ATP2C1: variants seen among roughly 807,000 people sequenced by gnomAD.
ATP2C1 encodes calcium-transporting ATPase type 2C member 1.
Under a neutral mutation model 120.5 loss-of-function variants are expected in ATP2C1, and 31 were observed. The observed-to-expected ratio is 0.26, with a 90% CI of 0.19 to 0.35. The LOEUF is 0.35. Ranked by LOEUF, ATP2C1 falls within the 10% of genes least tolerant of loss-of-function variation. The probability of loss-of-function intolerance (pLI) is 1.00; values close to 1 mark genes in which losing one functional copy is unlikely to be tolerated. For synonymous variants in ATP2C1, 351 were observed against 358.7 expected (o/e 0.98, Z 0.24); for missense variants, 731 against 1,107.5 (o/e 0.66, Z 4.83).
intron 1 of ATP2C1, among the ~76,000 whole-genome samples, chr3:130,884,517 T>A (rs927059607): frequency 4.6e-5 from 7 of 152,204 alleles, no homozygotes; most frequent in African/African-American, 1.7e-4. Context: ...ATCTATTAGG[T>A]CCACTTGGTC....
intron 2 of ATP2C1, among the ~76,000 whole-genome samples, chr3:130,912,968 T>C (rs371613181): frequency 2.0e-5 from 3 of 149,504 alleles, no homozygotes; most frequent in Non-Finnish European, 3.0e-5. Flanking sequence ...ATGGATGAAA[T>C]TGGAAATCAT....
At chr3:130,906,150 T>C (rs2058110385) in intron 2 of ATP2C1, among the ~76,000 whole-genome samples, 1 of 152,064 alleles carries the variant, frequency 6.6e-6, no homozygotes, top group East Asian at 1.9e-4. Context: ...GTTTTTAGTA[T>C]AGTCACAAAA....
At chr3:130,941,494 G>A in intron 7 of ATP2C1, 97 bp from the exon 8 acceptor site, 1 of 910,148 alleles carries the variant, frequency 1.1e-6, no homozygotes. Flanking sequence ...TCTTATATTT[G>A]CCTTTTCCTC....
At chr3:130,907,463 G>A (rs1413233703) in intron 2 of ATP2C1, among the ~76,000 whole-genome samples, 1 of 151,670 alleles carries the variant, frequency 6.6e-6, no homozygotes, top group Non-Finnish European at 1.5e-5. Flanking sequence ...GTGACATAAG[G>A]GCCCACCTTC....
intron 2 of ATP2C1, among the ~76,000 whole-genome samples, chr3:130,904,096 G>C (rs1314769928): frequency 6.6e-6 from 1 of 151,922 alleles, no homozygotes; most frequent in Non-Finnish European, 1.5e-5. Flanking sequence ...CTAAAATTAT[G>C]TTGATTTTTA....
At chr3:130,949,760 T>C (rs1383572796) in intron 8 of ATP2C1, among the ~76,000 whole-genome samples, 1 of 114,572 alleles carries the variant, frequency 8.7e-6, no homozygotes, top group Non-Finnish European at 2.3e-5. Context: ...TGGCTTTGAG[T>C]GTTAGTAAGT....
At chr3:130,886,741 T>C (rs2068981950) in intron 1 of ATP2C1, among the ~76,000 whole-genome samples, 1 of 152,038 alleles carries the variant, frequency 6.6e-6, no homozygotes. Flanking sequence ...ATTCTGAATT[T>C]CTTTTCTGTT....
In ATP2C1 at chr3:130,936,407, A is replaced by G. The variant is rs961638490; in HGVS notation, c.325-1021A>G. On this transcript the variant is annotated intron_variant, in intron 5 of 27. Transcript: ENST00000510168. ...CGATATAATAGATTATGAAAGGTGC[A>G]TTGATACAGTTTTATATTCTACATT... Among the ~76,000 whole-genome samples the G allele has an allele frequency of 1.2e-4, 18 of 152,230 alleles. 1 individual carries two copies.
At chr3:131,014,338 A>G (rs768063484) in intron 26 of ATP2C1, 2 of 1,612,474 alleles carry the variant, frequency 1.2e-6, no homozygotes, top group Non-Finnish European at 1.7e-6. Context: ...ACAGAGGTCG[A>G]TGCTAGCAGT....
intron 2 of ATP2C1, chr3:130,930,204 C>G (rs1028133708): frequency 7.2e-6 from 4 of 555,080 alleles, no homozygotes; most frequent in Non-Finnish European, 1.3e-5. Flanking sequence ...AGCTGGGCAC[C>G]GATGGCTTAG....
chr3:131,004,289 G>A (rs1281872790), downstream of ATP2C1, among the ~76,000 whole-genome samples: 3 of 152,184 alleles, frequency 2.0e-5, no homozygotes, highest in East Asian at 1.9e-4. Context: ...ATACTAAAAC[G>A]TGGTATGGAT....
chr3:130,997,724 T>A lies in ATP2C1; in HGVS notation c.2362T>A (p.Cys788Ser), dbSNP rs540694836. ...KILVSSIIIV[C>S]GTLFVFWREL... ...ACTTGTTTCATCAATAATCATTGTTTGTGGGACTTTGTTTGTCTTCTGGCG... is the reference window on the plus strand; with the variant it reads ...ACTTGTTTCATCAATAATCATTGTTAGTGGGACTTTGTTTGTCTTCTGGCG... The change falls in exon 25 of 28, where the codon TGT (cysteine) becomes AGT (serine). Residue 788 changes from cysteine (C) to serine (S), a missense_variant. This residue lies in a region of ATP2C1 where 141 missense variants were observed against 201.6 expected (regional missense o/e 0.70). Transcript: ENST00000510168. 2.5e-6 allele frequency: 4 copies of A among 1,613,750 alleles called. No individual in the cohort carries two copies.
At chr3:130,897,994 A>C (rs2069784442) in intron 2 of ATP2C1, among the ~76,000 whole-genome samples, 1 of 152,174 alleles carries the variant, frequency 6.6e-6, no homozygotes, top group Non-Finnish European at 1.5e-5. Context: ...TTTAAAAGTT[A>C]ATTGCATGTT....
intron 1 of ATP2C1, among the ~76,000 whole-genome samples, chr3:130,852,555 T>C (rs2067708433): frequency 6.6e-6 from 1 of 152,158 alleles, no homozygotes; most frequent in African/African-American, 2.4e-5. Flanking sequence ...GGAGTGAGTA[T>C]TATGCTGAGT....
At chr3:130,918,157 T>A (rs1355068963) in intron 2 of ATP2C1, 15 of 949,136 alleles carry the variant, frequency 1.6e-5, no homozygotes, top group Non-Finnish European at 1.7e-5. Flanking sequence ...TTTAGAAAGA[T>A]TATCTGTGCC....
At chr3:130,976,623 G>C (rs1189811060) in intron 18 of ATP2C1, among the ~76,000 whole-genome samples, 1 of 152,130 alleles carries the variant, frequency 6.6e-6, no homozygotes, top group Non-Finnish European at 1.5e-5. Context: ...AATGTAAGAG[G>C]CTTTGATGAC....
intron 8 of ATP2C1, among the ~76,000 whole-genome samples, chr3:130,950,234 G>T (rs1444179983): frequency 6.6e-6 from 1 of 151,970 alleles, no homozygotes; most frequent in African/African-American, 2.4e-5. Flanking sequence ...TTTATATTCT[G>T]ATTTTTGAAC....
At chr3:130,940,099 G>A (rs1313501792) in intron 6 of ATP2C1, among the ~76,000 whole-genome samples, 2 of 152,160 alleles carry the variant, frequency 1.3e-5, no homozygotes, top group African/African-American at 4.8e-5. Context: ...TTTCCTTTTT[G>A]GATACACAGG....
intron 1 of ATP2C1, among the ~76,000 whole-genome samples, chr3:130,879,169 C>A (rs57219475): frequency 0.012 from 1,843 of 152,286 alleles, 43 homozygotes; most frequent in African/African-American, 0.041. Context: ...TCAAGCAATT[C>A]TCCTTCCTCA....
Sources: gnomAD v4.1 joint callset for allele counts (sites outside exome capture counted in the v4.1 genomes callset) on GRCh38, gnomAD v4.1.1 for gene constraint, gnomAD v4.1.1 regional missense constraint, MANE v1.5 for transcripts, NCBI Gene and HGNC (gene_info 2026-07-23, HGNC 2026-07-21) for gene names.